Variants in SMAD3 observed in about 807,000 individuals in gnomAD.
SMAD3 encodes MAD homolog 3.
Under a neutral mutation model 51.8 loss-of-function variants are expected in SMAD3, and 12 were observed. The observed-to-expected ratio is 0.23, with a 90% CI of 0.15 to 0.38. The LOEUF (loss-of-function observed/expected upper bound fraction) is 0.38. Among genes scored for constraint, SMAD3 ranks in the 10% least tolerant of loss-of-function variants. The probability of loss-of-function intolerance (pLI) is 1.00; values close to 1 mark genes in which losing one functional copy is unlikely to be tolerated. For synonymous variants in SMAD3, 238 were observed against 227.7 expected, an observed-to-expected ratio of 1.05 and a Z score of -0.41; for missense variants, 294 against 565.6, an observed-to-expected ratio of 0.52 and a Z score of 4.87.
intron 1 of SMAD3, among the ~76,000 whole-genome samples, chr15:67,072,197 A>G (rs2140195233): frequency 6.6e-6 from 1 of 152,352 alleles, no homozygotes; most frequent in South Asian, 2.1e-4. Context: ...ATTATAATGG[A>G]ATAAAATTAA....
At chr15:67,125,734 G>T (rs1961367950) in intron 1 of SMAD3, 2 of 985,598 alleles carry the variant, frequency 2.0e-6, no homozygotes, top group African/African-American at 3.5e-5. Flanking sequence ...GCTTGTGCTT[G>T]CTGGAGGAGG....
chr15:67,120,428 A>T (rs1961233001), intron 1 of SMAD3, among the ~76,000 whole-genome samples: 1 of 152,204 alleles, frequency 6.6e-6, no homozygotes, highest in Non-Finnish European at 1.5e-5. Flanking sequence ...CCCTGTATGT[A>T]TCAAACTCAC....
chr15:67,103,822 C>T (rs1412848997), intron 1 of SMAD3, among the ~76,000 whole-genome samples: 1 of 152,196 alleles, frequency 6.6e-6, no homozygotes, highest in Admixed American at 6.5e-5. Context: ...CGTGAGTGAC[C>T]ACCCTGGACC....
At chr15:67,187,820 C>A (rs985087548) in intron 8 of SMAD3, among the ~76,000 whole-genome samples, 3 of 152,174 alleles carry the variant, frequency 2.0e-5, no homozygotes, top group Non-Finnish European at 2.9e-5. Context: ...AACTAAGGCC[C>A]AGGGAGGGAG....
chr15:67,155,486 AAGAG>A (rs973437067), intron 1 of SMAD3, among the ~76,000 whole-genome samples: 5 of 152,198 alleles, frequency 3.3e-5, no homozygotes, highest in South Asian at 2.1e-4. Context: ...GAGCAGCAGA[AAGAG>A]AGCTCTCAGG....
Position 67,164,967 on chromosome 15 carries a change from A to G in SMAD3, c.279A>G (p.Arg93=). 1 of 1,613,974 alleles carries G rather than the reference A, an allele frequency of 6.2e-7. No homozygotes were observed. The highest frequency in any genetic ancestry group is 8.5e-7 in the Non-Finnish European group (1 of 1,180,022). ...LPHVIYCRLW[R]WPDLHSHHEL... ...ATGTCATCTACTGCCGCCTGTGGCG[A>G]TGGCCAGACCTGCACAGCCACCACG... The change falls in exon 2 of 9, where the codon CGA becomes CGG. Residue 93 remains arginine (R), a synonymous_variant. Coordinates refer to ENST00000327367, the MANE Select transcript of SMAD3 (RefSeq NM_005902.4).
chr15:67,152,819 G>C (rs971832122), intron 1 of SMAD3, among the ~76,000 whole-genome samples: 1 of 152,082 alleles, frequency 6.6e-6, no homozygotes, highest in Non-Finnish European at 1.5e-5. Context: ...CCATCAACTT[G>C]GTGCTTGGAG....
intron 1 of SMAD3, among the ~76,000 whole-genome samples, chr15:67,102,859 A>G (rs1041092023): frequency 1.3e-5 from 2 of 152,148 alleles, no homozygotes; most frequent in African/African-American, 2.4e-5. Context: ...GAGGCTCATC[A>G]TAGCTCCTCT....
At chr15:67,142,321 C>G (rs1669347658) in intron 1 of SMAD3, among the ~76,000 whole-genome samples, 2 of 151,350 alleles carry the variant, frequency 1.3e-5, no homozygotes, top group East Asian at 3.9e-4. Context: ...ATTTACTGTA[C>G]CTCCATGGTT....
chr15:67,152,360 A>G (rs1279291011), intron 1 of SMAD3, among the ~76,000 whole-genome samples: 1 of 51,518 alleles, frequency 1.9e-5, no homozygotes, highest in Admixed American at 2.0e-4. Flanking sequence ...GTAGTTTGGA[A>G]ACAGAGAAGA....
chr15:67,071,023 G>A (rs1433862466), intron 1 of SMAD3, among the ~76,000 whole-genome samples: 2 of 152,158 alleles, frequency 1.3e-5, no homozygotes, highest in Non-Finnish European at 2.9e-5. Flanking sequence ...CCACAGCAGG[G>A]TCCCTGTACT....
At chr15:67,163,265 C>T (rs180862553) in intron 1 of SMAD3, among the ~76,000 whole-genome samples, 2 of 152,258 alleles carry the variant, frequency 1.3e-5, no homozygotes, top group African/African-American at 4.8e-5. Flanking sequence ...TGATTAATGC[C>T]GGTCTTGCCC....
At chr15:67,149,066 G>A (rs987108101) in intron 1 of SMAD3, among the ~76,000 whole-genome samples, 6 of 152,152 alleles carry the variant, frequency 3.9e-5, no homozygotes, top group African/African-American at 1.2e-4. Context: ...GTAAGAGTTC[G>A]AGGAGGGGAG....
chr15:67,142,980 C>T (rs1317430566), intron 1 of SMAD3: 4 of 315,588 alleles, frequency 1.3e-5, no homozygotes, highest in Non-Finnish European at 2.7e-5. Context: ...ATGAATCATT[C>T]CCGGCCAGGC....
intron 1 of SMAD3, among the ~76,000 whole-genome samples, chr15:67,085,868 G>GCGCACA (rs532188806): frequency 2.0e-5 from 2 of 100,066 alleles, no homozygotes; most frequent in Non-Finnish European, 4.4e-5. Flanking sequence ...AAAAAAGCGT[G>GCGCACA]CACACACACA....
At position 67,110,466 on chromosome 15, in the gene SMAD3, A is replaced by T. The variant is rs531349707; in HGVS notation, c.206+44106A>T. ...TAAACAGAGTTGGGAGTGATGGGGG[A>T]TAGGATGCTGACAGCACCTTGGTAG... On this transcript the variant is annotated intron_variant, in intron 1 of 8. Coordinates refer to ENST00000327367, the MANE Select transcript of SMAD3 (RefSeq NM_005902.4). 2.0e-5 allele frequency among the ~76,000 whole-genome samples: 3 copies of T among 152,332 alleles called. No individual in the cohort carries two copies. In the South Asian group the frequency reaches 6.2e-4, roughly 32 times the overall value.
At chr15:67,141,273 C>T (rs1276549355) in intron 1 of SMAD3, among the ~76,000 whole-genome samples, 1 of 152,204 alleles carries the variant, frequency 6.6e-6, no homozygotes, top group Non-Finnish European at 1.5e-5. Flanking sequence ...AACGTACTAT[C>T]TGTGTTGTGC....
At chr15:67,106,655 T>C (rs1461813562) in intron 1 of SMAD3, among the ~76,000 whole-genome samples, 1 of 152,196 alleles carries the variant, frequency 6.6e-6, no homozygotes, top group East Asian at 1.9e-4. Context: ...AGTAACTATT[T>C]ACAGGCGTAC....
chr15:67,146,563 T>G (rs1022786858), intron 1 of SMAD3, among the ~76,000 whole-genome samples: 26 of 152,014 alleles, frequency 1.7e-4, no homozygotes, highest in African/African-American at 5.3e-4. Flanking sequence ...TGTTCGGGGA[T>G]GGGGAGCGGG....
Sources: gnomAD v4.1 joint callset for allele counts (sites outside exome capture counted in the v4.1 genomes callset) on GRCh38, gnomAD v4.1.1 for gene constraint, MANE v1.5 for transcripts, NCBI Gene and HGNC (gene_info 2026-07-23, HGNC 2026-07-21) for gene names.